The following PDCD11 variants were observed in gnomAD, a reference collection of about 807,000 sequenced individuals.
PDCD11 encodes protein RRP5 homolog.
A neutral mutation model predicts 198.9 loss-of-function variants in PDCD11; 97 were observed. The observed-to-expected ratio is 0.49, with a 90% confidence interval of 0.41 to 0.58. PDCD11 has a LOEUF of 0.58. Among genes scored for constraint, PDCD11 ranks in the 20% least tolerant of loss-of-function variants. PDCD11 has a pLI of 0.00. For missense variants in PDCD11, 2,102 were observed against 2,312.7 expected (o/e 0.91, Z 1.87); for synonymous variants, 893 against 918.0 (o/e 0.97, Z 0.49).
intron 3 of PDCD11, 32 bp downstream of exon 3, chr10:103,400,560 C>G: frequency 6.3e-7 from 1 of 1,595,010 alleles, no homozygotes; most frequent in South Asian, 1.1e-5. Context: ...TTTAAACAAT[C>G]GACCTTGGTT....
At chr10:103,412,125 G>A (rs1401168911) in intron 8 of PDCD11, among the ~76,000 whole-genome samples, 1 of 149,668 alleles carries the variant, frequency 6.7e-6, no homozygotes, top group Non-Finnish European at 1.5e-5. Context: ...TCCTGCCTCA[G>A]CCTCCCAAAG....
intron 19 of PDCD11, among the ~76,000 whole-genome samples, 160 bp from the exon 20 acceptor site, chr10:103,424,824 C>T (rs542529845): frequency 3.3e-5 from 5 of 152,254 alleles, no homozygotes; most frequent in Admixed American, 1.3e-4. Flanking sequence ...AAGCTAGGTC[C>T]AGGGAGTGAA....
At chr10:103,435,047 TA>T in intron 25 of PDCD11, 72 bp downstream of exon 25, 3 of 1,162,548 alleles carry the variant, frequency 2.6e-6, no homozygotes, top group Admixed American at 6.1e-5. Context: ...GTTGTTGTAA[TA>T]CATGACTTTT....
intron 4 of PDCD11, among the ~76,000 whole-genome samples, chr10:103,404,128 A>G (rs1311797610): frequency 6.6e-6 from 1 of 151,692 alleles, no homozygotes; most frequent in African/African-American, 2.4e-5. Flanking sequence ...AGCTGGGATT[A>G]CAGGTGCCAG....
intron 15 of PDCD11, among the ~76,000 whole-genome samples, chr10:103,419,269 C>T (rs976535128): frequency 3.3e-5 from 5 of 152,048 alleles, no homozygotes; most frequent in Non-Finnish European, 4.4e-5. Flanking sequence ...GGAATAAAAC[C>T]GTGATTCTCA....
chr10:103,417,656 CT>C, intron 13 of PDCD11, 135 bp from the exon 14 acceptor site: 1 of 888,944 alleles, frequency 1.1e-6, no homozygotes, highest in Non-Finnish European at 1.7e-6. Flanking sequence ...TGCATTTCTT[CT>C]TTTCACTGCC....
chr10:103,400,637 TA>T, intron 3 of PDCD11, 109 bp downstream of exon 3: 1 of 1,100,520 alleles, frequency 9.1e-7, no homozygotes, highest in Non-Finnish European at 1.3e-6. Flanking sequence ...ATTTTCCCCT[TA>T]ATATATTATA....
At position 103,445,416 on chromosome 10, in the gene PDCD11, C is replaced by G. The variant is rs1469641278; in HGVS notation, c.5483C>G (p.Pro1828Arg). 3 of 1,614,198 alleles carry G rather than the reference C, an allele frequency of 1.9e-6. No homozygotes were observed. The highest frequency in any genetic ancestry group is 2.5e-6 in the Non-Finnish European group (3 of 1,180,032). The change falls in exon 36 of 36, where the codon CCC becomes CGC. Residue 1828 changes from proline (P) to arginine (R), a missense_variant. Transcript: ENST00000369797. The part of the protein sequence containing the change: ...FERVIHLSLA[P>R]KRMKFFFKRY... ...CGGGTCATTCATCTGAGCTTGGCCC[C>G]CAAGAGAATGAAGTTCTTCTTCAAG... is the stretch of plus-strand genomic sequence containing the variant.
At chr10:103,402,255 T>C (rs2030142561) in intron 3 of PDCD11, among the ~76,000 whole-genome samples, 1 of 152,070 alleles carries the variant, frequency 6.6e-6, no homozygotes, top group Admixed American at 6.6e-5. Flanking sequence ...GCATTTGAGT[T>C]TGGGTTGCTC....
chr10:103,439,909 C>A, intron 28 of PDCD11, 41 bp downstream of exon 28: 1 of 1,612,286 alleles, frequency 6.2e-7, no homozygotes, highest in South Asian at 1.1e-5. Context: ...TAATGTGAAT[C>A]AAACCCCTTT....
At chr10:103,444,808 C>A in intron 35 of PDCD11, 126 bp downstream of exon 35, 1 of 855,478 alleles carries the variant, frequency 1.2e-6, no homozygotes. Flanking sequence ...TGTGATGCCC[C>A]AGGCCCAGTG....
intron 25 of PDCD11, among the ~76,000 whole-genome samples, chr10:103,437,064 G>A (rs887866207): frequency 6.6e-6 from 1 of 152,196 alleles, no homozygotes; most frequent in Middle Eastern, 3.2e-3. Context: ...AACGTTCTCA[G>A]GATCTAACAC....
chr10:103,425,330 A>G lies in PDCD11; in HGVS notation c.3110A>G (p.Asp1037Gly). 8 of 1,614,144 alleles carry G rather than the reference A, an allele frequency of 5.0e-6. No homozygotes were observed. Among genetic ancestry groups the G allele is most frequent in the African/African-American group, 4.0e-5 (3 of 75,026 alleles). ...AAGAAGCACACCCTCTCCATCGGGG[A>G]CATGGTCACAGGGACTGTCAAGTCC... ...TIKKHTLSIG[D>G]MVTGTVKSIK... The change falls in exon 20 of 36, where the codon GAC becomes GGC. Residue 1037 changes from aspartate (D) to glycine (G), a missense_variant. By Grantham distance (94) the Asp-to-Gly change is moderately conservative (BLOSUM62 -1). Transcript: ENST00000369797.
intron 16 of PDCD11, 89 bp downstream of exon 16, chr10:103,419,797 T>G: frequency 1.7e-6 from 2 of 1,208,584 alleles, no homozygotes; most frequent in Non-Finnish European, 2.3e-6. Flanking sequence ...GATACTTTAT[T>G]CCTTTTTTTT....
chr10:103,417,434 A>G (rs1426775559), intron 13 of PDCD11, among the ~76,000 whole-genome samples: 1 of 152,224 alleles, frequency 6.6e-6, no homozygotes, highest in Non-Finnish European at 1.5e-5. Flanking sequence ...TGGCCTTTCA[A>G]AGTGCTGGAA....
intron 8 of PDCD11, among the ~76,000 whole-genome samples, chr10:103,410,199 C>T (rs2030710372): frequency 6.7e-6 from 1 of 150,024 alleles, no homozygotes; most frequent in Admixed American, 6.6e-5. Flanking sequence ...CGTGCCACTG[C>T]ACTCCAGCCT....
At chr10:103,430,943 C>T (rs947512729) in intron 21 of PDCD11, among the ~76,000 whole-genome samples, 4 of 152,014 alleles carry the variant, frequency 2.6e-5, no homozygotes, top group Admixed American at 6.6e-5. Flanking sequence ...GGATTACAAG[C>T]GCCCACGACC....
At chr10:103,427,488 T>G in intron 21 of PDCD11, 97 bp downstream of exon 21, 2 of 1,049,892 alleles carry the variant, frequency 1.9e-6, no homozygotes, top group African/African-American at 3.2e-5. Flanking sequence ...AGTGTTAGGA[T>G]TGATTTTTGC....
intron 16 of PDCD11, among the ~76,000 whole-genome samples, chr10:103,420,049 C>T (rs756238214): frequency 3.4e-5 from 5 of 148,980 alleles, no homozygotes; most frequent in Non-Finnish European, 7.4e-5. Flanking sequence ...CCACCTGCCT[C>T]GGCCTCCCAA....
Sources: allele counts gnomAD v4.1 joint callset (sites outside exome capture counted in the v4.1 genomes callset), GRCh38; gene constraint gnomAD v4.1.1; transcripts MANE v1.5; gene names NCBI Gene and HGNC (gene_info 2026-07-23, HGNC 2026-07-21).